The following ABLIM1 variants were observed in gnomAD, a reference collection of about 807,000 sequenced individuals.
ABLIM1 encodes the protein actin-binding LIM protein 1.
A neutral mutation model predicts 107.0 loss-of-function variants in ABLIM1; 40 were observed. That is an observed-to-expected ratio of 0.37 (90% CI 0.29 to 0.49). The LOEUF is 0.49. Among genes scored for constraint, ABLIM1 ranks in the 20% least tolerant of loss-of-function variants. The probability of loss-of-function intolerance (pLI) is 0.97; values close to 1 mark genes in which losing one functional copy is unlikely to be tolerated. For missense variants in ABLIM1, 857 were observed against 1,008.5 expected, an observed-to-expected ratio of 0.85 and a Z score of 2.04; for synonymous variants, 357 against 357.3, an observed-to-expected ratio of 1.00 and a Z score of 0.01.
chr10:114,440,773 A>G, intron 19 of ABLIM1: 1 of 608,914 alleles, frequency 1.6e-6, no homozygotes, highest in South Asian at 1.5e-5. Context: ...TAGGTATCTG[A>G]TAGAGTGCTC....
At chr10:114,605,241 A>G (rs964347959) in intron 1 of ABLIM1, among the ~76,000 whole-genome samples, 6 of 152,228 alleles carry the variant, frequency 3.9e-5, no homozygotes, top group African/African-American at 1.2e-4. Context: ...CAAAACGAAT[A>G]AAGAGGTTAA....
intron 1 of ABLIM1, among the ~76,000 whole-genome samples, chr10:114,718,395 C>T (rs188562841): frequency 6.9e-4 from 105 of 152,322 alleles, no homozygotes; most frequent in African/African-American, 1.9e-3. Context: ...AATACATAAA[C>T]ACCTTCCTAA....
chr10:114,498,278 C>T (rs1190860536), intron 6 of ABLIM1, among the ~76,000 whole-genome samples: 1 of 152,124 alleles, frequency 6.6e-6, no homozygotes, highest in African/African-American at 2.4e-5. Flanking sequence ...AATCCCATAC[C>T]CTCTACAAGC....
At chr10:114,672,236 T>C (rs1591794395) in intron 1 of ABLIM1, among the ~76,000 whole-genome samples, 2 of 152,254 alleles carry the variant, frequency 1.3e-5, no homozygotes, top group Non-Finnish European at 1.5e-5. Context: ...AGTCTCACTC[T>C]GTTGCCCAGG....
At chr10:114,620,120 C>T (rs2077373247) in intron 1 of ABLIM1, among the ~76,000 whole-genome samples, 2 of 152,192 alleles carry the variant, frequency 1.3e-5, no homozygotes, top group African/African-American at 4.8e-5. Context: ...TAAGCCAATG[C>T]TTTTCAAACT....
chr10:114,444,249 G>T (rs2060687681), intron 16 of ABLIM1, 115 bp from the exon 17 acceptor site: 2 of 879,030 alleles, frequency 2.3e-6, no homozygotes, highest in Non-Finnish European at 3.4e-6. Flanking sequence ...TTGCTGGAGG[G>T]CCTGAATGCA....
chr10:114,735,884 A>G (rs1397588177), intron 1 of ABLIM1, among the ~76,000 whole-genome samples: 2 of 152,234 alleles, frequency 1.3e-5, no homozygotes, highest in Non-Finnish European at 2.9e-5. Context: ...AAATATTACA[A>G]CATAGCATGT....
intron 1 of ABLIM1, among the ~76,000 whole-genome samples, chr10:114,630,026 CCAAAGTGTT>C: frequency 6.6e-6 from 1 of 151,966 alleles, no homozygotes. Context: ...GGTGGCCTGT[CCAAAGTGTT>C]CCAGTTAGAA....
intron 1 of ABLIM1, among the ~76,000 whole-genome samples, chr10:114,702,818 A>C (rs1411746754): frequency 6.6e-6 from 1 of 152,082 alleles, no homozygotes; most frequent in African/African-American, 2.4e-5. Flanking sequence ...TTAATGACAT[A>C]ACACATCATA....
chr10:114,528,306 G>A (rs2065079292), intron 6 of ABLIM1, among the ~76,000 whole-genome samples: 1 of 152,082 alleles, frequency 6.6e-6, no homozygotes, highest in Non-Finnish European at 1.5e-5. Context: ...GATGATTTAC[G>A]AAATTTTTTA....
At chr10:114,485,282 A>G in intron 8 of ABLIM1, 3 of 1,598,212 alleles carry the variant, frequency 1.9e-6, no homozygotes, top group South Asian at 2.2e-5. Context: ...GCCCCAGCCT[A>G]GACACAATGC....
chr10:114,461,690 A>C (rs896114435), intron 12 of ABLIM1, among the ~76,000 whole-genome samples: 2 of 152,024 alleles, frequency 1.3e-5, no homozygotes, highest in Non-Finnish European at 2.9e-5. Flanking sequence ...GTGGTGGTGC[A>C]CACCTGTAAT....
At chr10:114,788,347 A>T in the ABLIM1 span, among the ~76,000 whole-genome samples, 8 of 140,640 alleles carry the variant, frequency 5.7e-5, no homozygotes, top group Admixed American at 2.2e-4. Context: ...AAAAAAAAAA[A>T]ATAAATAAAT....
intron 4 of ABLIM1, among the ~76,000 whole-genome samples, chr10:114,563,636 A>G (rs866030511): frequency 3.3e-5 from 5 of 151,766 alleles, no homozygotes; most frequent in Non-Finnish European, 5.9e-5. Flanking sequence ...GGAATTTCAG[A>G]CTAGCCTGGT....
chr10:114,573,565 C>T (rs75909272), intron 3 of ABLIM1, among the ~76,000 whole-genome samples: 5 of 152,190 alleles, frequency 3.3e-5, no homozygotes, highest in Admixed American at 3.3e-4. Flanking sequence ...GGGAACACGG[C>T]CTTCCAACCT....
upstream of ABLIM1, among the ~76,000 whole-genome samples, chr10:114,685,555 C>T (rs1591824395): frequency 1.3e-5 from 2 of 152,306 alleles, no homozygotes; most frequent in East Asian, 3.9e-4. Flanking sequence ...ATGGGTCACC[C>T]TATGTGCCCT....
chr10:114,758,976 T>C (rs1472652553), intron 1 of ABLIM1, among the ~76,000 whole-genome samples: 1 of 152,074 alleles, frequency 6.6e-6, no homozygotes, highest in Non-Finnish European at 1.5e-5. Flanking sequence ...TAATAATAAT[T>C]ATGCATGTTC....
chr10:114,488,128 T>A, intron 7 of ABLIM1, 112 bp from the exon 8 acceptor site: 1 of 1,143,310 alleles, frequency 8.7e-7, no homozygotes, highest in Non-Finnish European at 1.3e-6. Context: ...CATAGGAAGG[T>A]GTTATTGCTT....
chr10:114,470,767 A>T (rs191249139), intron 10 of ABLIM1, among the ~76,000 whole-genome samples: 1 of 152,180 alleles, frequency 6.6e-6, no homozygotes, highest in Non-Finnish European at 1.5e-5. Flanking sequence ...CTTGTTCTCT[A>T]TCTTGAGTTT....
Sources: allele counts gnomAD v4.1 joint callset (sites outside exome capture counted in the v4.1 genomes callset), GRCh38; gene constraint gnomAD v4.1.1; transcripts MANE v1.5; gene names NCBI Gene and HGNC (gene_info 2026-07-23, HGNC 2026-07-21).